Variants in PARVB observed in about 807,000 individuals in gnomAD.
PARVB encodes the protein beta-parvin.
In PARVB, 46 loss-of-function variants were observed where a neutral mutation model predicts 47.0. The ratio of observed to expected loss-of-function variants is 0.98; its 90% CI spans 0.77 to 1.25. The LOEUF is 1.25. PARVB is among the 50% of genes most tolerant of loss of function. The pLI is 0.00. For synonymous variants in PARVB, 196 were observed against 196.3 expected (o/e 1.00, Z 0.01); for missense variants, 473 against 471.6 (o/e 1.00, Z -0.03).
chr22:44,041,124 C>T (rs2051011885), intron 1 of PARVB, among the ~76,000 whole-genome samples: 2 of 152,014 alleles, frequency 1.3e-5, no homozygotes, highest in African/African-American at 2.4e-5. Flanking sequence ...GAGGGATGGA[C>T]GGATGTGGAA....
intron 2 of PARVB, among the ~76,000 whole-genome samples, chr22:44,016,158 G>A (rs1482399112): frequency 3.4e-5 from 5 of 148,616 alleles, no homozygotes; most frequent in Admixed American, 6.7e-5. Flanking sequence ...GTGCAGTGGC[G>A]TGATCTCGGC....
At chr22:44,108,861 G>A (rs920553513) in intron 3 of PARVB, 2 of 152,094 alleles carry the variant, frequency 1.3e-5, no homozygotes, top group Non-Finnish European at 2.9e-5. Context: ...GGATGTATAC[G>A]TGCAAGTCAC....
intron 1 of PARVB, among the ~76,000 whole-genome samples, chr22:44,070,738 T>C (rs989239631): frequency 2.6e-5 from 4 of 152,220 alleles, no homozygotes; most frequent in African/African-American, 9.6e-5. Context: ...AGAGTGCTTT[T>C]CCTGCACAGT....
intron 1 of PARVB, among the ~76,000 whole-genome samples, chr22:44,025,101 T>C (rs1444711937): frequency 2.0e-5 from 3 of 152,054 alleles, no homozygotes; most frequent in African/African-American, 7.2e-5. Context: ...TCCTGGGAGA[T>C]ACATTCTGGA....
intron 2 of PARVB, among the ~76,000 whole-genome samples, chr22:44,097,797 A>G (rs112148383): frequency 6.6e-5 from 10 of 152,322 alleles, no homozygotes; most frequent in South Asian, 2.1e-4. Context: ...GGGACAGGTA[A>G]AGACCGGAGA....
rs780880306 is a variant in PARVB, at chr22:44,158,095, G to A, written c.945+12G>A. On this transcript the variant is annotated intron_variant, in intron 11 of 12. Coordinates refer to ENST00000338758, the MANE Select transcript of PARVB (RefSeq NM_013327.5). ...GCTTCGATCAGAAGGTATGTGCATG[G>A]TCTCCATCCTTGGTAGGGGCTCAAG... 2.9e-5 allele frequency: 46 copies of A among 1,564,294 alleles called. No homozygotes were observed. The East Asian group carries it at 7.8e-4, about 27-fold the overall frequency.
chr22:44,140,708 C>A (rs901990269), intron 8 of PARVB: 1 of 433,562 alleles, frequency 2.3e-6, no homozygotes, highest in East Asian at 6.4e-5. Context: ...CAGGCAGGGG[C>A]TGCTGTGAGT....
intron 1 of PARVB, among the ~76,000 whole-genome samples, chr22:44,037,609 A>G (rs921834515): frequency 7.2e-5 from 11 of 152,296 alleles, no homozygotes; most frequent in Non-Finnish European, 1.3e-4. Context: ...ATGGGCAAAC[A>G]CAGGCTTAGA....
At chr22:44,028,061 A>G (rs938028450) in intron 1 of PARVB, among the ~76,000 whole-genome samples, 1 of 151,906 alleles carries the variant, frequency 6.6e-6, no homozygotes, top group Non-Finnish European at 1.5e-5. Flanking sequence ...TCTCACCTCC[A>G]TCAGTGCCCC....
intron 1 of PARVB, among the ~76,000 whole-genome samples, chr22:44,057,146 T>A (rs987745199): frequency 6.6e-6 from 1 of 152,084 alleles, no homozygotes; most frequent in African/African-American, 2.4e-5. Context: ...TTTAGAAGCG[T>A]GTCGTTCCAT....
intron 1 of PARVB, among the ~76,000 whole-genome samples, chr22:44,088,561 T>C (rs1429683962): frequency 1.3e-5 from 2 of 152,168 alleles, no homozygotes; most frequent in Non-Finnish European, 2.9e-5. Flanking sequence ...AACCTCCACC[T>C]CCCAGGTTCA....
intron 1 of PARVB, among the ~76,000 whole-genome samples, chr22:44,055,674 C>CTATATATATA (rs1263427845): frequency 3.7e-5 from 5 of 136,978 alleles, no homozygotes; most frequent in African/African-American, 1.4e-4. Context: ...CTCTCTCTCT[C>CTATATATATA]TCTCTATATA....
intron 11 of PARVB, among the ~76,000 whole-genome samples, chr22:44,160,203 A>C (rs1045099856): frequency 3.9e-5 from 6 of 152,168 alleles, no homozygotes; most frequent in Non-Finnish European, 7.4e-5. Context: ...GAGACTCTGC[A>C]GGCTCCCTCT....
At chr22:44,066,804 C>CCTCCTCCTCCTCCTCCTTCTCCTT in intron 1 of PARVB, among the ~76,000 whole-genome samples, 1 of 131,144 alleles carries the variant, frequency 7.6e-6, no homozygotes, top group East Asian at 2.7e-4. Context: ...TCCTCCTCCT[C>CCTCCTCCTCCTCCTCCTTCTCCTT]CTCCTCCTCC....
chr22:44,088,143 G>T (rs1288385165), intron 1 of PARVB, among the ~76,000 whole-genome samples: 1 of 152,112 alleles, frequency 6.6e-6, no homozygotes, highest in Non-Finnish European at 1.5e-5. Context: ...CCAGCAGCCT[G>T]GCTCTGGGAT....
Position 44,128,840 on chromosome 22 carries a change from G to A in PARVB, c.377-2647G>A, listed in dbSNP as rs1220557510. 2.0e-5 allele frequency among the ~76,000 whole-genome samples: 3 copies of A among 152,356 alleles called. No homozygotes were observed. In the East Asian group the frequency reaches 5.8e-4, roughly 29 times the overall value. Reference sequence around the variant, plus strand: ...CACCTGTAATCCCAGCACTTCCGGAGGCTGAGGTGGGCAGATCACTTGAGG... The same window carrying A: ...CACCTGTAATCCCAGCACTTCCGGAAGCTGAGGTGGGCAGATCACTTGAGG... On this transcript the variant is annotated intron_variant, in intron 4 of 12. Coordinates refer to ENST00000338758, the MANE Select transcript of PARVB (RefSeq NM_013327.5).
intron 10 of PARVB, among the ~76,000 whole-genome samples, chr22:44,154,600 GGT>G (rs1312732544): frequency 1.4e-5 from 2 of 147,324 alleles, no homozygotes; most frequent in African/African-American, 5.0e-5. Flanking sequence ...TATGTAGTCT[GGT>G]GTGTGTGTGT....
At chr22:44,069,656 G>A (rs2051610629) in intron 1 of PARVB, among the ~76,000 whole-genome samples, 1 of 152,032 alleles carries the variant, frequency 6.6e-6, no homozygotes, top group Non-Finnish European at 1.5e-5. Context: ...AGCCTCCCAA[G>A]TAGCTGGGAT....
upstream of PARVB, among the ~76,000 whole-genome samples, chr22:44,023,894 A>C (rs936156946): frequency 2.0e-5 from 3 of 152,206 alleles, no homozygotes; most frequent in African/African-American, 7.2e-5. Flanking sequence ...CCAGTTCTGA[A>C]GGGCTCCCCC....
Sources: gnomAD v4.1 joint callset for allele counts (sites outside exome capture counted in the v4.1 genomes callset) on GRCh38, gnomAD v4.1.1 for gene constraint, MANE v1.5 for transcripts, NCBI Gene and HGNC (gene_info 2026-07-23, HGNC 2026-07-21) for gene names.